Variants in CUL4A observed in about 807,000 individuals in gnomAD.
CUL4A encodes cullin-4A.
A neutral mutation model predicts 95.5 loss-of-function variants in CUL4A; 16 were observed. The observed-to-expected ratio is 0.17, with a 90% CI of 0.11 to 0.25. The LOEUF (loss-of-function observed/expected upper bound fraction) is 0.25, where lower values mean the gene tolerates loss of function less well. Ranked by LOEUF, CUL4A falls within the 10% of genes least tolerant of loss-of-function variation. CUL4A has a pLI of 1.00. For missense variants in CUL4A, 610 were observed against 937.0 expected (o/e 0.65, Z 4.56); for synonymous variants, 380 against 353.1 (o/e 1.08, Z -0.85).
chr13:113,256,926 G>GTTTTTTTTTTTTTTTTTTTTTT lies in CUL4A; in HGVS notation c.2031+1803_2031+1824dup, dbSNP rs951070829. On this transcript the variant is annotated intron_variant, in intron 18 of 19. Transcript: ENST00000375440. ...AATGCTTTGTCCCTTTTTTTTTTTC[G>GTTTTTTTTTTTTTTTTTTTTTT]TTTTTTTTTTTTTTTTTTTTTTTGC... Among the ~76,000 whole-genome samples the GTTTTTTTTTTTTTTTTTTTTTT allele has an allele frequency of 8.7e-4, 41 of 47,392 alleles. 3 individuals carry two copies. The highest frequency in any genetic ancestry group is 0.042 in the Middle Eastern group (2 of 48). 31.1% of individuals were successfully genotyped at this position (47,392 alleles called of 152,430 possible).
chr13:113,244,824 A>C, intron 12 of CUL4A, 125 bp from the exon 13 acceptor site: 1 of 675,092 alleles, frequency 1.5e-6, no homozygotes, highest in Non-Finnish European at 2.5e-6. Context: ...TGGGCAACAG[A>C]GCAAGACTCT....
At chr13:113,241,310 G>A (rs1478769823) in intron 10 of CUL4A, among the ~76,000 whole-genome samples, 1 of 152,194 alleles carries the variant, frequency 6.6e-6, no homozygotes, top group Non-Finnish European at 1.5e-5. Context: ...TCAGCAATAA[G>A]TAGTTATACT....
rs1222767421 is a variant in CUL4A, at chr13:113,264,066, T to C, written c.*484T>C. The C allele has an allele frequency of 6.6e-6, 1 of 152,520 alleles. No individual in the cohort carries two copies. Among genetic ancestry groups the C allele is most frequent in the African/African-American group, 2.4e-5 (1 of 41,438 alleles). 9.4% of individuals were successfully genotyped at this position (152,520 alleles called of 1,614,324 possible). On this transcript the variant is annotated 3_prime_UTR_variant, in exon 20 of 20. Transcript: ENST00000375440. The stretch of plus-strand genomic sequence containing the variant: ...ACAAGGGCCCTTCATGGGTGAACAT[T>C]AGAAAGAGCCAGGGTTCAAAGCTGG...
chr13:113,259,938 G>A (rs1246926038), intron 18 of CUL4A, among the ~76,000 whole-genome samples: 1 of 151,810 alleles, frequency 6.6e-6, no homozygotes, highest in Non-Finnish European at 1.5e-5. Flanking sequence ...AGGCACGGTG[G>A]CTCACGCCTG....
At position 113,263,615 on chromosome 13, in the gene CUL4A, CTAGAATGTACCCTCAGAGCA is replaced by C. The variant is rs1001879487; in HGVS notation, c.*34_*53del. On this transcript the variant is annotated 3_prime_UTR_variant, in exon 20 of 20. Coordinates refer to ENST00000375440, the MANE Select transcript of CUL4A (RefSeq NM_001008895.4). ...GCAGACGGTTCCCCTTCATGAAACA[CTAGAATGTACCCTCAGAGCA>C]GGAAGCACACCTGTGCCATTTCTGG... The C allele has an allele frequency of 1.5e-6, 2 of 1,327,068 alleles. No homozygotes were observed. The highest frequency in any genetic ancestry group is 2.1e-6 in the Non-Finnish European group (2 of 939,228). 82.2% of individuals were successfully genotyped at this position (1,327,068 alleles called of 1,614,324 possible).
intron 3 of CUL4A, among the ~76,000 whole-genome samples, chr13:113,222,877 G>A (rs2040952122): frequency 6.6e-6 from 1 of 152,210 alleles, no homozygotes; most frequent in African/African-American, 2.4e-5. Flanking sequence ...TCCAGCCTGA[G>A]CAGCAGAGCA....
At chr13:113,260,527 G>A in intron 18 of CUL4A, 80 bp from the exon 19 acceptor site, 1 of 1,306,496 alleles carries the variant, frequency 7.7e-7, no homozygotes, top group South Asian at 1.4e-5. Flanking sequence ...TCTAGCCCAG[G>A]CAACTGAGTG....
chr13:113,262,852 T>C (rs2042320478), intron 19 of CUL4A: 6 of 134,410 alleles, frequency 4.5e-5, no homozygotes, highest in African/African-American at 1.4e-4. Flanking sequence ...ATGGCAGATG[T>C]CGGATCTGCC....
chr13:113,220,026 T>G (rs766839093), intron 3 of CUL4A, among the ~76,000 whole-genome samples: 2 of 152,242 alleles, frequency 1.3e-5, no homozygotes, highest in Non-Finnish European at 1.5e-5. Context: ...GCTGTACTTT[T>G]CTAGGCCTCC....
At chr13:113,208,214 G>A (rs1036832692), upstream of CUL4A, 1 of 1,529,346 alleles carries the variant, frequency 6.5e-7, no homozygotes, top group Non-Finnish European at 8.8e-7. Flanking sequence ...ATCCTGCTGG[G>A]AAACAGCGTC....
intron 3 of CUL4A, among the ~76,000 whole-genome samples, chr13:113,227,733 G>A (rs548461389): frequency 2.0e-5 from 3 of 152,008 alleles, no homozygotes; most frequent in South Asian, 2.1e-4. Context: ...GTGAAACCCC[G>A]TCTCTACTAA....
At chr13:113,247,292 A>G (rs1000892449) in intron 15 of CUL4A, among the ~76,000 whole-genome samples, 6 of 152,194 alleles carry the variant, frequency 3.9e-5, no homozygotes, top group Admixed American at 6.5e-5. Context: ...ACTCTTATCA[A>G]TGTGACTGGA....
intron 19 of CUL4A, among the ~76,000 whole-genome samples, chr13:113,261,927 C>T (rs1383868821): frequency 2.6e-5 from 4 of 152,262 alleles, no homozygotes; most frequent in African/African-American, 7.2e-5. Context: ...CTTACAGGCA[C>T]GCGCCACCAC....
chr13:113,240,607 A>G (rs1176797509), intron 10 of CUL4A, among the ~76,000 whole-genome samples: 1 of 152,252 alleles, frequency 6.6e-6, no homozygotes, highest in African/African-American at 2.4e-5. Flanking sequence ...AAGAGGAAAA[A>G]AAGAAAAGCC....
At chr13:113,261,988 C>T (rs750361237) in intron 19 of CUL4A, among the ~76,000 whole-genome samples, 3 of 152,296 alleles carry the variant, frequency 2.0e-5, no homozygotes, top group Non-Finnish European at 4.4e-5. Flanking sequence ...ACCGTGTGGT[C>T]AGGCTGGTCT....
At chr13:113,251,533 G>T (rs1328025202) in intron 15 of CUL4A, among the ~76,000 whole-genome samples, 3 of 152,128 alleles carry the variant, frequency 2.0e-5, no homozygotes, top group African/African-American at 7.2e-5. Flanking sequence ...ACCACTGCTG[G>T]GGGAGGGCCC....
upstream of CUL4A, chr13:113,208,316 G>A (rs1831200460): frequency 1.4e-6 from 2 of 1,432,244 alleles, no homozygotes; most frequent in South Asian, 3.0e-5. Context: ...GCCAGCAAGT[G>A]AGGGCAGCGA....
chr13:113,236,720 C>G (rs1246843893), intron 8 of CUL4A, 103 bp from the exon 9 acceptor site: 1 of 720,564 alleles, frequency 1.4e-6, no homozygotes, highest in Non-Finnish European at 2.4e-6. Flanking sequence ...TTCTGATTGC[C>G]TCTAGACTGC....
chr13:113,240,704 G>A (rs1463412650), intron 10 of CUL4A, among the ~76,000 whole-genome samples: 6 of 152,208 alleles, frequency 3.9e-5, no homozygotes, highest in Non-Finnish European at 8.8e-5. Flanking sequence ...TTACCAGGGT[G>A]TAGGGATGGG....
Sources: gnomAD v4.1 joint callset for allele counts (sites outside exome capture counted in the v4.1 genomes callset) on GRCh38, gnomAD v4.1.1 for gene constraint, MANE v1.5 for transcripts, NCBI Gene and HGNC (gene_info 2026-07-23, HGNC 2026-07-21) for gene names.